Variants in DLGAP2 observed in about 807,000 individuals in gnomAD.
The protein encoded by DLGAP2 is DLG associated protein 2, also known as disks large-associated protein 2.
In DLGAP2, 26 loss-of-function variants were observed where a neutral mutation model predicts 100.3. The ratio of observed to expected loss-of-function variants is 0.26; its 90% CI spans 0.19 to 0.36. The LOEUF is 0.36. Ranked by LOEUF, DLGAP2 falls within the 10% of genes least tolerant of loss-of-function variation. The pLI is 1.00. For synonymous variants in DLGAP2, 886 were observed against 630.1 expected (o/e 1.41, Z -6.08); for missense variants, 1,858 against 1,453.2 (o/e 1.28, Z -4.53).
intron 2 of DLGAP2, among the ~76,000 whole-genome samples, chr8:1,144,430 T>A (rs1479321031): frequency 6.6e-6 from 1 of 152,240 alleles, no homozygotes; most frequent in African/African-American, 2.4e-5. Context: ...AAGACAATGA[T>A]GACAGTGAGC....
intron 1 of DLGAP2, among the ~76,000 whole-genome samples, chr8:897,044 A>G (rs1798155388): frequency 1.3e-5 from 2 of 152,128 alleles, no homozygotes; most frequent in South Asian, 4.1e-4. Context: ...GGCGCAAGGG[A>G]GAATCATCGG....
intron 3 of DLGAP2, among the ~76,000 whole-genome samples, chr8:1,486,483 T>G (rs1463666637): frequency 6.6e-6 from 1 of 152,132 alleles, no homozygotes; most frequent in Non-Finnish European, 1.5e-5. Flanking sequence ...TGAAAGTAGT[T>G]TGCCTTGGAG....
chr8:1,188,821 T>C (rs1387254261), intron 2 of DLGAP2, among the ~76,000 whole-genome samples: 1 of 145,114 alleles, frequency 6.9e-6, no homozygotes, highest in Non-Finnish European at 1.5e-5. Flanking sequence ...GTCCTCAGGA[T>C]GTGCCTTTTT....
chr8:1,182,827 C>A (rs74932984), intron 2 of DLGAP2, among the ~76,000 whole-genome samples: 5,653 of 152,204 alleles, frequency 0.037, 390 homozygotes, highest in African/African-American at 0.13. Flanking sequence ...TGGGCAGTGG[C>A]GCGTGGGGGA....
At chr8:973,493 C>T (rs1363476369) in intron 2 of DLGAP2, among the ~76,000 whole-genome samples, 6 of 151,182 alleles carry the variant, frequency 4.0e-5, no homozygotes, top group East Asian at 2.0e-4. Context: ...GGGCAGGAGG[C>T]GCACCCCACA....
chr8:1,470,212 A>G (rs1378218716), intron 3 of DLGAP2, among the ~76,000 whole-genome samples: 3 of 151,998 alleles, frequency 2.0e-5, no homozygotes, highest in African/African-American at 7.2e-5. Context: ...ATGCCAGACC[A>G]TGGATGCTTC....
chr8:1,202,031 G>A (rs1235462399), intron 2 of DLGAP2, among the ~76,000 whole-genome samples: 1 of 147,632 alleles, frequency 6.8e-6, no homozygotes, highest in Admixed American at 6.9e-5. Context: ...GTACATGTGT[G>A]CACATGTGCA....
chr8:1,389,614 G>GA (rs1796300407), intron 3 of DLGAP2, among the ~76,000 whole-genome samples: 6 of 152,082 alleles, frequency 3.9e-5, no homozygotes, highest in Admixed American at 3.9e-4. Context: ...AGCTTGGATA[G>GA]AAAAAAAGCT....
At chr8:863,109 G>T (rs1797423609) in intron 1 of DLGAP2, among the ~76,000 whole-genome samples, 1 of 152,168 alleles carries the variant, frequency 6.6e-6, no homozygotes, top group African/African-American at 2.4e-5. Context: ...TGTGAATCCT[G>T]TGAGGTTTCT....
Position 1,669,615 on chromosome 8 carries a change from G to A in DLGAP2, c.2161-128G>A, listed in dbSNP as rs530341290. 5.3e-5 allele frequency: 38 copies of A among 717,696 alleles called. No homozygotes were observed. In the African/African-American group the frequency reaches 5.6e-4, roughly 11 times the overall value. The allele number at this position is 717,696 out of a possible 1,614,324, so 44.5% of individuals were successfully genotyped here. A position where few individuals can be genotyped will look rare whatever the true frequency, so the allele number is the denominator to read the frequency against. On this transcript the variant is annotated intron_variant, in intron 9 of 14. Transcript: ENST00000637795. ...CGGCCCAGGGAGGAGGGTGAGTGGAGCGTGCTGAGAGCCGGGCCCGTGCGG... is the reference window on the plus strand; with the variant it reads ...CGGCCCAGGGAGGAGGGTGAGTGGAACGTGCTGAGAGCCGGGCCCGTGCGG...
chr8:1,084,483 C>T (rs1356583487), intron 2 of DLGAP2, among the ~76,000 whole-genome samples: 1 of 152,174 alleles, frequency 6.6e-6, no homozygotes, highest in Admixed American at 6.5e-5. Flanking sequence ...TAGAGACAGA[C>T]TTGCCCTCCT....
intron 2 of DLGAP2, among the ~76,000 whole-genome samples, chr8:1,146,953 T>C (rs1796619464): frequency 1.3e-5 from 2 of 152,222 alleles, no homozygotes; most frequent in African/African-American, 2.4e-5. Context: ...TTTCTCCTCT[T>C]CAGAATTGGC....
intron 1 of DLGAP2, among the ~76,000 whole-genome samples, chr8:741,127 T>C (rs146934334): frequency 5.9e-5 from 9 of 152,354 alleles, no homozygotes; most frequent in Non-Finnish European, 8.8e-5. Flanking sequence ...TGTTGTTTCC[T>C]GGGTACTTGT....
chr8:1,586,690 G>A (rs1246067287), intron 6 of DLGAP2, among the ~76,000 whole-genome samples: 2 of 152,190 alleles, frequency 1.3e-5, no homozygotes, highest in South Asian at 2.1e-4. Context: ...CTTCTGTGGC[G>A]GACTCTAGGC....
intron 13 of DLGAP2, among the ~76,000 whole-genome samples, chr8:1,694,410 C>T (rs1030638560): frequency 6.6e-6 from 1 of 152,182 alleles, no homozygotes; most frequent in African/African-American, 2.4e-5. Context: ...GAACCCCAGC[C>T]CGAGATTGAG....
chr8:1,027,031 C>T (rs940763955), intron 2 of DLGAP2, among the ~76,000 whole-genome samples: 1 of 152,176 alleles, frequency 6.6e-6, no homozygotes, highest in Non-Finnish European at 1.5e-5. Flanking sequence ...AAGTAATTAC[C>T]ACACTGTTTG....
chr8:1,193,877 C>T (rs141833343), intron 2 of DLGAP2, among the ~76,000 whole-genome samples: 11 of 152,088 alleles, frequency 7.2e-5, no homozygotes, highest in East Asian at 1.9e-4. Flanking sequence ...CTCCGCACCG[C>T]GCCGCCCCCG....
At chr8:1,565,572 G>A (rs571811850) in intron 5 of DLGAP2, 111 bp from the exon 6 acceptor site, 9 of 780,206 alleles carry the variant, frequency 1.2e-5, no homozygotes, top group Middle Eastern at 3.1e-4. Flanking sequence ...ATAAATGACT[G>A]TAAAGAGGTG....
intron 4 of DLGAP2, among the ~76,000 whole-genome samples, chr8:1,508,842 G>A (rs1407062434): frequency 4.0e-5 from 6 of 151,698 alleles, no homozygotes; most frequent in African/African-American, 9.7e-5. Context: ...CTCGGGCTCC[G>A]GGGATTCGTA....
Sources: allele counts gnomAD v4.1 joint callset (sites outside exome capture counted in the v4.1 genomes callset), GRCh38; gene constraint gnomAD v4.1.1; transcripts MANE v1.5; gene names NCBI Gene and HGNC (gene_info 2026-07-23, HGNC 2026-07-21).